NTRK1: variants seen among roughly 807,000 people sequenced by gnomAD.
The protein encoded by NTRK1 is neurotrophic receptor tyrosine kinase 1.
Under a neutral mutation model 86.8 loss-of-function variants are expected in NTRK1, and 62 were observed. The observed-to-expected ratio is 0.71, with a 90% confidence interval of 0.58 to 0.88. The LOEUF is 0.88. NTRK1 is among the 40% of genes least tolerant of loss of function. NTRK1 has a pLI of 0.00. For missense variants in NTRK1, 967 were observed against 1,078.4 expected (o/e 0.90, Z 1.45); for synonymous variants, 469 against 456.6 (o/e 1.03, Z -0.35).
chr1:156,853,700 T>C lies in NTRK1; in HGVS notation c.51-10654T>C, dbSNP rs1655308810. On this transcript the variant is annotated intron_variant, in intron 2 of 16. Coordinates refer to the NTRK1 transcript ENST00000392302. ...ACCATCCTGTGGCCACCCAGCCCCA[T>C]GTGACCCTGCTCTCTCCCTTCCCTA... 9.1e-6 allele frequency: 14 copies of C among 1,534,830 alleles called. 1 individual carries two copies. Among genetic ancestry groups the C allele is most frequent in the Non-Finnish European group, 1.2e-5 (14 of 1,130,090 alleles).
At chr1:156,848,712 C>T (rs1655093938) in intron 2 of NTRK1, among the ~76,000 whole-genome samples, 1 of 152,210 alleles carries the variant, frequency 6.6e-6, no homozygotes, top group African/African-American at 2.4e-5. Flanking sequence ...TTCTCCATTT[C>T]ACTTGGTGAG....
intron 2 of NTRK1, chr1:156,845,223 C>A: frequency 6.2e-7 from 1 of 1,609,962 alleles, no homozygotes; most frequent in South Asian, 1.1e-5. Context: ...ACCTTGTCCT[C>A]CTGGATCTCG....
At chr1:156,821,832 C>T (rs369504332) in intron 1 of NTRK1, among the ~76,000 whole-genome samples, 2 of 152,174 alleles carry the variant, frequency 1.3e-5, no homozygotes, top group African/African-American at 4.8e-5. Flanking sequence ...TGGTGCTTCC[C>T]ACTTCCCACT....
chr1:156,858,295 C>T (rs1257134029), upstream of NTRK1, among the ~76,000 whole-genome samples: 9 of 152,182 alleles, frequency 5.9e-5, no homozygotes, highest in African/African-American at 1.9e-4. Flanking sequence ...CTAGTAGGGA[C>T]GGAAGATATC....
chr1:156,865,448 C>T (rs558791453), intron 3 of NTRK1, among the ~76,000 whole-genome samples: 27 of 152,320 alleles, frequency 1.8e-4, no homozygotes, highest in Admixed American at 7.8e-4. Context: ...GAATCTAATG[C>T]TGCCATTGAT....
intron 2 of NTRK1, chr1:156,849,413 C>A (rs1288070931): frequency 1.9e-6 from 3 of 1,613,738 alleles, no homozygotes; most frequent in African/African-American, 1.3e-5. Context: ...CACCCAGGAC[C>A]CTAGCTGTTG....
At chr1:156,862,821 G>C (rs1435824882) in intron 1 of NTRK1, among the ~76,000 whole-genome samples, 1 of 152,124 alleles carries the variant, frequency 6.6e-6, no homozygotes, top group African/African-American at 2.4e-5. Flanking sequence ...GGGCTGGGGG[G>C]TGGGTAGAAT....
At chr1:156,816,687 T>G in intron 1 of NTRK1, 1 of 1,601,788 alleles carries the variant, frequency 6.2e-7, no homozygotes, top group Non-Finnish European at 8.5e-7. Context: ...TGGGGACATA[T>G]CTGGGCCAGG....
intron 1 of NTRK1, among the ~76,000 whole-genome samples, chr1:156,836,422 C>G (rs891628034): frequency 6.6e-6 from 1 of 152,218 alleles, no homozygotes; most frequent in Admixed American, 6.5e-5. Context: ...TACCTGGCAT[C>G]CCCATTCTTT....
chr1:156,846,495 C>A (rs1209511264), intron 2 of NTRK1: 8 of 1,587,076 alleles, frequency 5.0e-6, no homozygotes, highest in Non-Finnish European at 6.1e-6. Flanking sequence ...GTCTGACTGA[C>A]TCTTGCACCC....
In NTRK1 at chr1:156,867,863, CG is replaced by C. The variant is rs201694785; in HGVS notation, c.429-237del. On this transcript the variant is annotated intron_variant, in intron 4 of 16. Transcript: ENST00000524377. The stretch of plus-strand genomic sequence containing the variant: ...TAAGTTTTTGCATTTTTAGTAGAGA[CG>C]GGGTTTCACTGTGTTAGCCAGGATG... Among the ~76,000 whole-genome samples, 1,256 of 149,676 alleles carry C rather than the reference CG, an allele frequency of 8.4e-3. 70 individuals are homozygous for C. The highest frequency in any genetic ancestry group is 0.075 in the Admixed American group (1,123 of 15,044).
Position 156,866,953 on chromosome 1 carries a change from G to A in NTRK1, c.403G>A (p.Val135Met). Residue 135 changes from valine to methionine, a missense_variant, in exon 4 of 17, where the codon GTG becomes ATG. Val to Met is a conservative substitution (Grantham distance 21). Around this residue, in one of 2 missense-constraint regions of NTRK1, gnomAD observed 330 missense variants for 302.0 expected, o/e 1.09. Transcript: ENST00000524377. ...NALESLSWKTVQGLSLQELVL... is the reference protein window; with the variant it reads ...NALESLSWKTMQGLSLQELVL... ...TCTGGAGTCTCTCTCCTGGAAAACTGTGCAGGGCCTCTCCTTACAGGAACT... is the reference window on the plus strand; with the variant it reads ...TCTGGAGTCTCTCTCCTGGAAAACTATGCAGGGCCTCTCCTTACAGGAACT... The A allele has an allele frequency of 6.2e-7, 1 of 1,614,254 alleles. No homozygotes were observed. Among genetic ancestry groups the A allele is most frequent in the Non-Finnish European group, 8.5e-7 (1 of 1,180,038 alleles).
chr1:156,816,144 T>C (rs768297022), intron 1 of NTRK1: 1 of 1,561,160 alleles, frequency 6.4e-7, no homozygotes, highest in Non-Finnish European at 8.7e-7. Context: ...GAACTATGTC[T>C]GTCTCTGCCT....
At chr1:156,829,232 G>A (rs942097215) in intron 1 of NTRK1, among the ~76,000 whole-genome samples, 2 of 152,206 alleles carry the variant, frequency 1.3e-5, no homozygotes, top group African/African-American at 2.4e-5. Context: ...TGAGGTGACA[G>A]GTGAGAAGGA....
intron 2 of NTRK1, chr1:156,844,726 T>C (rs778233321): frequency 6.2e-7 from 1 of 1,614,102 alleles, no homozygotes; most frequent in African/African-American, 1.3e-5. Flanking sequence ...GCGGCGGTAC[T>C]TGATTTCGTA....
chr1:156,815,943 C>A (rs1190294634), intron 1 of NTRK1: 30 of 1,603,734 alleles, frequency 1.9e-5, no homozygotes, highest in Non-Finnish European at 2.4e-5. Context: ...CAAGTCCTTC[C>A]CCATGGGAGG....
rs993073252 is a variant in NTRK1 at position 156,816,456 on chromosome 1, C to T, written c.-64+618C>T. Among the ~76,000 whole-genome samples, 50 of 152,194 alleles carry T rather than the reference C, an allele frequency of 3.3e-4. 1 individual carries two copies. The highest frequency in any genetic ancestry group is 4.4e-5 in the Non-Finnish European group (3 of 68,034). ...CCTCCTGCTCCCTCCTCTCTCCTCTCTGAGAAGCCCTCAACAAACCCTGTC... is the reference window on the plus strand; with the variant it reads ...CCTCCTGCTCCCTCCTCTCTCCTCTTTGAGAAGCCCTCAACAAACCCTGTC... On this transcript the variant is annotated intron_variant, in intron 1 of 16. Transcript: ENST00000392302.
At position 156,879,183 on chromosome 1, in the gene NTRK1, G is replaced by T. The variant is rs778746462; in HGVS notation, c.1867G>T (p.Gly623Cys). Residue 623 changes from glycine (G) to cysteine (C), a missense_variant, in exon 15 of 17, where the codon GGT becomes TGT. Transcript: ENST00000524377. Reference protein sequence around the residue: ...GGEDVAPGPLGLGQLLAVASQ... With the variant: ...GGEDVAPGPLCLGQLLAVASQ... The stretch of plus-strand genomic sequence containing the variant: ...GGAGGATGTGGCTCCAGGCCCCCTG[G>T]GTCTGGGGCAGCTGCTGGCCGTGGC... The T allele has an allele frequency of 9.3e-6, 15 of 1,613,080 alleles. No individual in the cohort carries two copies. In the African/African-American group the frequency reaches 1.9e-4, roughly 20 times the overall value.
chr1:156,865,677 T>C (rs973566267), intron 3 of NTRK1, among the ~76,000 whole-genome samples: 8 of 152,136 alleles, frequency 5.3e-5, no homozygotes, highest in Non-Finnish European at 1.0e-4. Context: ...GGCCTGGGAA[T>C]TGGGGACCCC....
Sources: allele counts gnomAD v4.1 joint callset (sites outside exome capture counted in the v4.1 genomes callset), GRCh38; gene constraint gnomAD v4.1.1; regional missense constraint gnomAD v4.1.1; transcripts MANE v1.5; gene names NCBI Gene and HGNC (gene_info 2026-07-23, HGNC 2026-07-21).